KIFC1: variants seen among roughly 807,000 people sequenced by gnomAD.
KIFC1 encodes kinesin family member C1.
Under a neutral mutation model 66.6 loss-of-function variants are expected in KIFC1, and 37 were observed. That is an observed-to-expected ratio of 0.56 (90% confidence interval 0.43 to 0.73). The LOEUF (loss-of-function observed/expected upper bound fraction) is 0.73. Among genes scored for constraint, KIFC1 ranks in the 30% least tolerant of loss-of-function variants. The pLI is 0.00. For synonymous variants in KIFC1, 325 were observed against 343.5 expected (o/e 0.95, Z 0.60); for missense variants, 721 against 859.8 (o/e 0.84, Z 2.02).
chr6:33,407,037 T>C (rs1775699173), intron 10 of KIFC1, 162 bp downstream of exon 10: 1 of 1,424,586 alleles, frequency 7.0e-7, no homozygotes, highest in South Asian at 1.5e-5. Flanking sequence ...TTATTAGCTT[T>C]TGAGTTAAGT....
At position 33,400,630 on chromosome 6, in the gene KIFC1, G is replaced by T. The variant is rs1190662637; in HGVS notation, c.250+2243G>T. On this transcript the variant is annotated intron_variant, in intron 3 of 10. Coordinates refer to ENST00000428849, the MANE Select transcript of KIFC1 (RefSeq NM_002263.4). This position sits in a 1 kb window ranked among gnomAD's most constrained non-coding sequence, Gnocchi z 4.3. ...AAAGTTGCACCTTGGCCTCCTCCGA[G>T]CCGAAAGCCGAGAGCTTCTCTCTCT... The T allele has an allele frequency of 1.9e-5, 14 of 743,916 alleles. No individual in the cohort carries two copies. Among genetic ancestry groups the T allele is most frequent in the East Asian group, 1.6e-4 (6 of 37,068 alleles). The allele number at this position is 743,916 out of a possible 1,614,324, so 46.1% of individuals were successfully genotyped here. A position where few individuals can be genotyped will look rare whatever the true frequency, so the allele number is the denominator to read the frequency against.
rs1364682046 is a variant in KIFC1 at position 33,401,490 on chromosome 6, GC to G, written c.251-1823del. Among the ~76,000 whole-genome samples, 1 of 152,018 alleles carries G rather than the reference GC, an allele frequency of 6.6e-6. No homozygotes were observed. The highest frequency in any genetic ancestry group is 1.5e-5 in the Non-Finnish European group (1 of 67,990). On this transcript the variant is annotated intron_variant, in intron 3 of 10. Transcript: ENST00000428849. This position sits in a 1 kb window ranked among gnomAD's most constrained non-coding sequence, Gnocchi z 4.5. Reference sequence around the variant, plus strand: ...TATTTGTATTTTTTCCAAGAAATAAGCTTAAATTTGAAAAATTTTAAATATT... The same window carrying G: ...TATTTGTATTTTTTCCAAGAAATAAGTTAAATTTGAAAAATTTTAAATATT...
intron 10 of KIFC1, among the ~76,000 whole-genome samples, chr6:33,408,893 C>A (rs1441851314): frequency 6.6e-6 from 1 of 152,204 alleles, no homozygotes; most frequent in East Asian, 1.9e-4. Flanking sequence ...AACCTCCTGG[C>A]CGGGCGCGGT....
Position 33,405,360 on chromosome 6 carries a change from G to GT in KIFC1, c.1266dup (p.Gly423TrpfsTer45). 1.9e-6 allele frequency: 3 copies of GT among 1,612,704 alleles called. No homozygotes were observed. Among genetic ancestry groups the GT allele is most frequent in the Non-Finnish European group, 2.5e-6 (3 of 1,178,982 alleles). On this transcript the variant is annotated frameshift_variant, in exon 7 of 11. Transcript: ENST00000428849. LOFTEE classifies it high-confidence loss of function. This position sits in a 1 kb window ranked among gnomAD's most constrained non-coding sequence, Gnocchi z 5.4. The stretch of plus-strand genomic sequence containing the variant: ...AGTGGCAAGACCTTCACAATGGAGG[G>GT]TGGGCCTGGGGGAGACCCCCAGTTG...
chr6:33,396,473 T>C (rs1775048119), intron 1 of KIFC1, among the ~76,000 whole-genome samples: 1 of 144,576 alleles, frequency 6.9e-6, no homozygotes, highest in Admixed American at 7.0e-5. Flanking sequence ...GATCTCAATA[T>C]GTCGCCCAGG....
chr6:33,404,402 C>T lies in KIFC1; in HGVS notation c.756+273C>T, dbSNP rs970758133. 6.6e-6 allele frequency among the ~76,000 whole-genome samples: 1 copy of T among 152,204 alleles called. No homozygotes were observed. The highest frequency in any genetic ancestry group is 2.4e-5 in the African/African-American group (1 of 41,452). ...CTTTCTTAGTCCTCCATCCCTCTTT[C>T]TTTGGGTTCCCATCCTGATCACAAA... On this transcript the variant is annotated intron_variant, in intron 6 of 10. Transcript: ENST00000428849. This position sits in a 1 kb window ranked among gnomAD's most constrained non-coding sequence, Gnocchi z 4.0.
At chr6:33,393,865 G>A (rs1007873103) in intron 1 of KIFC1, among the ~76,000 whole-genome samples, 142 of 151,510 alleles carry the variant, frequency 9.4e-4, no homozygotes, top group Admixed American at 7.0e-3. Flanking sequence ...TCCTGCCTCA[G>A]CCTCCCGAGT....
At chr6:33,407,090 TAA>T (rs35560427) in intron 10 of KIFC1, 132 of 1,319,734 alleles carry the variant, frequency 1.0e-4, no homozygotes, top group East Asian at 4.2e-4. Context: ...GAAAGCTGAT[TAA>T]AAAAAAAAGA....
chr6:33,407,158 G>A (rs1180419039), intron 10 of KIFC1: 22 of 1,037,920 alleles, frequency 2.1e-5, no homozygotes, highest in African/African-American at 3.2e-5. Context: ...CCTATAATCC[G>A]AACACTTCGG....
intron 1 of KIFC1, among the ~76,000 whole-genome samples, chr6:33,394,069 G>T (rs1294671516): frequency 6.6e-6 from 1 of 152,138 alleles, no homozygotes; most frequent in Non-Finnish European, 1.5e-5. Flanking sequence ...GTCGTGACTA[G>T]GTGGGGGGTT....
At position 33,405,019 on chromosome 6, in the gene KIFC1, G is replaced by A. The variant is rs753680436; in HGVS notation, c.924G>A (p.Lys308=). 1.2e-6 allele frequency: 2 copies of A among 1,614,168 alleles called. No homozygotes were observed. Among genetic ancestry groups the A allele is most frequent in the South Asian group, 1.1e-5 (1 of 91,088 alleles). The change falls in exon 7 of 11, where the codon AAG becomes AAA. Residue 308 remains lysine, a synonymous_variant. Coordinates refer to ENST00000428849, the MANE Select transcript of KIFC1 (RefSeq NM_002263.4). This position sits in a 1 kb window ranked among gnomAD's most constrained non-coding sequence, Gnocchi z 5.4. ...RRLHNQLQEL[K]GNIRVFCRVR... is the part of the protein sequence containing the mutation. Reference sequence around the variant, plus strand: ...TGCACAACCAGCTGCAGGAACTCAAGGGCAACATCCGTGTATTCTGCCGGG... The same window carrying A: ...TGCACAACCAGCTGCAGGAACTCAAAGGCAACATCCGTGTATTCTGCCGGG...
intron 1 of KIFC1, among the ~76,000 whole-genome samples, chr6:33,397,822 G>A (rs1775134797): frequency 6.6e-6 from 1 of 152,192 alleles, no homozygotes; most frequent in Admixed American, 6.5e-5. Flanking sequence ...AGTTAGTCAA[G>A]TCCAGCTTTT....
chr6:33,397,143 G>T (rs1775094186), intron 1 of KIFC1, among the ~76,000 whole-genome samples: 1 of 149,630 alleles, frequency 6.7e-6, no homozygotes, highest in African/African-American at 2.5e-5. Context: ...ATGCCACCAT[G>T]CCTGGGTAAT....
intron 3 of KIFC1, among the ~76,000 whole-genome samples, chr6:33,398,987 C>T (rs1462696715): frequency 1.3e-5 from 2 of 152,164 alleles, no homozygotes; most frequent in African/African-American, 2.4e-5. Flanking sequence ...AGACATGGTC[C>T]TGCTTTTACT....
chr6:33,398,986 C>T (rs1345312146), intron 3 of KIFC1, among the ~76,000 whole-genome samples: 1 of 152,210 alleles, frequency 6.6e-6, no homozygotes, highest in Non-Finnish European at 1.5e-5. Context: ...TAGACATGGT[C>T]CTGCTTTTAC....
At chr6:33,399,632 C>T (rs1232259961) in intron 3 of KIFC1, among the ~76,000 whole-genome samples, 7 of 149,910 alleles carry the variant, frequency 4.7e-5, no homozygotes, top group East Asian at 1.9e-4. Flanking sequence ...TGGTAGGTAA[C>T]ATAACACAGT....
In KIFC1 at chr6:33,409,681, C is replaced by G. The variant is rs777988686; in HGVS notation, c.2013C>G (p.Asn671Lys). Reference protein sequence around the residue: ...NQCVIGTAQANRK With the variant: ...NQCVIGTAQAKRK ...GTGTTATTGGTACTGCTCAGGCCAA[C>G]AGGAAGTGAAGACGGATCCAGATCT... Residue 671 changes from asparagine (N) to lysine (K), a missense_variant, in exon 11 of 11, where the codon AAC (asparagine) becomes AAG (lysine). Asn to Lys is a moderately conservative substitution (Grantham distance 94, BLOSUM62 0). Coordinates refer to ENST00000428849, the MANE Select transcript of KIFC1 (RefSeq NM_002263.4). The G allele has an allele frequency of 6.2e-6, 10 of 1,603,886 alleles. No homozygotes were observed. Among genetic ancestry groups the G allele is most frequent in the Non-Finnish European group, 8.5e-6 (10 of 1,177,094 alleles).
intron 1 of KIFC1, among the ~76,000 whole-genome samples, chr6:33,392,217 G>A (rs556966593): frequency 5.1e-4 from 77 of 152,332 alleles, no homozygotes; most frequent in African/African-American, 1.8e-3. Context: ...CCCTCCCCTA[G>A]CTTCAAGTTT....
At chr6:33,409,532 C>T (rs1775812996) in intron 10 of KIFC1, 114 bp from the exon 11 acceptor site, 6 of 1,029,694 alleles carry the variant, frequency 5.8e-6, no homozygotes, top group Admixed American at 1.7e-5. Context: ...CCTTTGGAGG[C>T]CTTATTTCGG....
Sources: allele counts gnomAD v4.1 joint callset (sites outside exome capture counted in the v4.1 genomes callset), GRCh38; gene constraint gnomAD v4.1.1; non-coding constraint Gnocchi (gnomAD v3.1); transcripts MANE v1.5; gene names NCBI Gene and HGNC (gene_info 2026-07-23, HGNC 2026-07-21).